CGRRF1: variants seen among roughly 807,000 people sequenced by gnomAD.
CGRRF1 encodes cell growth regulator with RING finger domain protein 1.
CGRRF1 carries 32 observed loss-of-function variants against 37.2 expected under a neutral mutation model. The ratio of observed to expected loss-of-function variants is 0.86; its 90% CI spans 0.65 to 1.16. The LOEUF (loss-of-function observed/expected upper bound fraction) is 1.16, where lower values mean the gene tolerates loss of function less well. Ranked by LOEUF, CGRRF1 falls within the 50% of genes most tolerant of loss-of-function variation. The pLI is 0.00. For synonymous variants in CGRRF1, 141 were observed against 140.3 expected (o/e 1.00, Z -0.04); for missense variants, 391 against 382.6 (o/e 1.02, Z -0.18).
At chr14:54,511,288 G>C (rs959755065) in intron 1 of CGRRF1, among the ~76,000 whole-genome samples, 2 of 152,178 alleles carry the variant, frequency 1.3e-5, no homozygotes, top group African/African-American at 4.8e-5. Context: ...TGCCTTGTAT[G>C]TGGGTGAGGA....
chr14:54,513,222 A>G lies in CGRRF1; in HGVS notation c.104+3159A>G, dbSNP rs564216431. Reference sequence around the variant, plus strand: ...TGGTAATTTCTTTAGCTCTTTGCCAATGGGAAATAATCTAGTAACCCACAA... The same window carrying G: ...TGGTAATTTCTTTAGCTCTTTGCCAGTGGGAAATAATCTAGTAACCCACAA... On this transcript the variant is annotated intron_variant, in intron 1 of 5. Transcript: ENST00000216420. Among the ~76,000 whole-genome samples the G allele has an allele frequency of 1.4e-4, 22 of 152,352 alleles. No homozygotes were observed. In the South Asian group the frequency reaches 2.3e-3, roughly 16 times the overall value.
chr14:54,533,950 A>T (rs1032629506), intron 4 of CGRRF1, among the ~76,000 whole-genome samples: 3 of 152,108 alleles, frequency 2.0e-5, no homozygotes, highest in Non-Finnish European at 2.9e-5. Flanking sequence ...AAATCTTTAT[A>T]TATGTAATTA....
At chr14:54,518,940 T>G (rs1467691500) in intron 1 of CGRRF1, among the ~76,000 whole-genome samples, 1 of 152,128 alleles carries the variant, frequency 6.6e-6, no homozygotes, top group Non-Finnish European at 1.5e-5. Context: ...TGTTTTGTTT[T>G]GTTTTGTTTT....
intron 1 of CGRRF1, among the ~76,000 whole-genome samples, chr14:54,517,324 GT>G (rs902070971): frequency 6.6e-6 from 1 of 152,166 alleles, no homozygotes; most frequent in Non-Finnish European, 1.5e-5. Flanking sequence ...CTCAGAAATA[GT>G]TTAGTCTGTT....
chr14:54,511,773 G>A (rs1011339457), intron 1 of CGRRF1, among the ~76,000 whole-genome samples: 9 of 152,134 alleles, frequency 5.9e-5, no homozygotes, highest in Admixed American at 1.3e-4. Context: ...CCCCATTTAG[G>A]TAAGACTTTT....
intron 2 of CGRRF1, 39 bp downstream of exon 2, chr14:54,522,632 G>T: frequency 1.9e-6 from 3 of 1,544,872 alleles, no homozygotes; most frequent in East Asian, 2.3e-5. Context: ...CTCATTGTTT[G>T]CCCTCTTTTT....
intron 4 of CGRRF1, among the ~76,000 whole-genome samples, chr14:54,533,113 T>G (rs2032544217): frequency 6.6e-6 from 1 of 151,930 alleles, no homozygotes; most frequent in African/African-American, 2.4e-5. Context: ...TTTTCTAACT[T>G]TCTTCCCCTG....
chr14:54,527,333 A>T (rs1350885658), intron 2 of CGRRF1, among the ~76,000 whole-genome samples: 1 of 152,216 alleles, frequency 6.6e-6, no homozygotes, highest in East Asian at 1.9e-4. Context: ...ACAAGTTTGT[A>T]AAAGATTATA....
chr14:54,509,943 C>G lies in CGRRF1; in HGVS notation c.-17C>G. Reference sequence around the variant, plus strand: ...GCTCCGCGGCTGGAGCCGGGCTCTACCCAGAGCAAGACCCTGATGGCTGCG... The same window carrying G: ...GCTCCGCGGCTGGAGCCGGGCTCTAGCCAGAGCAAGACCCTGATGGCTGCG... On this transcript the variant is annotated 5_prime_UTR_variant, in exon 1 of 6. Coordinates refer to ENST00000216420, the MANE Select transcript of CGRRF1 (RefSeq NM_006568.3). 6.3e-7 allele frequency: 1 copy of G among 1,588,468 alleles called. No individual in the cohort carries two copies. The highest frequency in any genetic ancestry group is 1.1e-5 in the South Asian group (1 of 90,552).
rs151001899 is a variant in CGRRF1 at position 54,523,263 on chromosome 14, C to T, written c.244+670C>T. On this transcript the variant is annotated intron_variant, in intron 2 of 5. Coordinates refer to ENST00000216420, the MANE Select transcript of CGRRF1 (RefSeq NM_006568.3). ...GATTACAGGTGTGAGCCACTGCGCG[C>T]GGCCAGAATGATTGTCATTTAATCT... 59 of 154,256 alleles carry T rather than the reference C, an allele frequency of 3.8e-4. 2 individuals carry two copies. In the South Asian group the frequency reaches 8.5e-3, roughly 22 times the overall value. 9.6% of individuals were successfully genotyped at this position (154,256 alleles called of 1,614,324 possible).
At chr14:54,516,301 C>T (rs2032214832) in intron 1 of CGRRF1, among the ~76,000 whole-genome samples, 1 of 152,116 alleles carries the variant, frequency 6.6e-6, no homozygotes, top group Non-Finnish European at 1.5e-5. Context: ...TTCTTCTTCC[C>T]AAGGCATACT....
At chr14:54,519,562 C>G (rs747464826) in intron 1 of CGRRF1, among the ~76,000 whole-genome samples, 5 of 152,028 alleles carry the variant, frequency 3.3e-5, no homozygotes, top group African/African-American at 4.8e-5. Flanking sequence ...AGGACCAAGT[C>G]TTATAACGAC....
intron 5 of CGRRF1, 95 bp from the exon 6 acceptor site, chr14:54,537,968 T>C (rs2032625975): frequency 6.8e-7 from 1 of 1,471,752 alleles, no homozygotes; most frequent in Non-Finnish European, 9.0e-7. Context: ...TTGAATTTGC[T>C]AGCTCATAAA....
At chr14:54,510,877 C>T (rs896400591) in intron 1 of CGRRF1, among the ~76,000 whole-genome samples, 2 of 152,238 alleles carry the variant, frequency 1.3e-5, no homozygotes, top group Non-Finnish European at 2.9e-5. Flanking sequence ...CTCCAAAATC[C>T]CTTTGAGATG....
chr14:54,535,933 C>T (rs961139641), intron 4 of CGRRF1: 2 of 152,156 alleles, frequency 1.3e-5, no homozygotes, highest in Non-Finnish European at 2.9e-5. Flanking sequence ...ACTGCCATTT[C>T]CCTGCTTCCT....
At chr14:54,537,660 C>T in intron 4 of CGRRF1, 62 bp from the exon 5 acceptor site, 10 of 1,370,004 alleles carry the variant, frequency 7.3e-6, no homozygotes, top group East Asian at 2.8e-5. Flanking sequence ...AAGCATTTTT[C>T]ATATATTTGT....
intron 4 of CGRRF1, chr14:54,536,512 AC>A (rs1390884032): frequency 6.6e-6 from 1 of 152,206 alleles, no homozygotes; most frequent in Non-Finnish European, 1.5e-5. Flanking sequence ...AAACATTTCC[AC>A]CAACAATATA....
chr14:54,537,998 A>G, intron 5 of CGRRF1, 65 bp from the exon 6 acceptor site: 1 of 1,455,462 alleles, frequency 6.9e-7, no homozygotes, highest in Non-Finnish European at 9.1e-7. Context: ...GCTTCTTATG[A>G]CCCCCAATTT....
chr14:54,530,433 G>A (rs1416505008), intron 3 of CGRRF1: 1 of 728,894 alleles, frequency 1.4e-6, no homozygotes, highest in Admixed American at 2.6e-5. Context: ...ATACCCATTA[G>A]CACTGAAAAT....
Sources: gnomAD v4.1 joint callset for allele counts (sites outside exome capture counted in the v4.1 genomes callset) on GRCh38, gnomAD v4.1.1 for gene constraint, MANE v1.5 for transcripts, NCBI Gene and HGNC (gene_info 2026-07-23, HGNC 2026-07-21) for gene names.